SMCHD1: variants seen among roughly 807,000 people sequenced by gnomAD.
SMCHD1 encodes structural maintenance of chromosomes flexible hinge domain containing 1.
In SMCHD1, 78 loss-of-function variants were observed where a neutral mutation model predicts 254.7. The observed-to-expected ratio is 0.31, with a 90% CI of 0.26 to 0.37. SMCHD1 has a LOEUF of 0.37. Ranked by LOEUF, SMCHD1 falls within the 10% of genes least tolerant of loss-of-function variation. The pLI, the probability that SMCHD1 is intolerant of heterozygous loss-of-function variation, is 1.00. For synonymous variants in SMCHD1, 766 were observed against 794.9 expected, an observed-to-expected ratio of 0.96 and a Z score of 0.61; for missense variants, 1,840 against 2,408.1, an observed-to-expected ratio of 0.76 and a Z score of 4.94.
At chr18:2,779,622 C>T (rs1426984761) in intron 44 of SMCHD1, among the ~76,000 whole-genome samples, 2 of 151,968 alleles carry the variant, frequency 1.3e-5, no homozygotes, top group East Asian at 1.9e-4. Flanking sequence ...TGATCTAGGA[C>T]GAGTGAGAAT....
Position 2,722,656 on chromosome 18 carries a change from G to A in SMCHD1, c.2596G>A (p.Glu866Lys), listed in dbSNP as rs2074950247. The change falls in exon 20 of 48, where the codon GAA becomes AAA. Residue 866 changes from glutamate (E) to lysine (K), a missense_variant. By Grantham distance (56) the Glu-to-Lys change is moderately conservative. Transcript: ENST00000320876. ...QLVTDIQPVL[E>K]ASGLSLHYEE... Reference sequence around the variant, plus strand: ...AGTAACTGATATTCAGCCAGTTCTTGAAGCAAGGTAATTTGAAGGATCAAT... The same window carrying A: ...AGTAACTGATATTCAGCCAGTTCTTAAAGCAAGGTAATTTGAAGGATCAAT... 6.2e-7 allele frequency: 1 copy of A among 1,608,410 alleles called. No homozygotes were observed. The highest frequency in any genetic ancestry group is 8.5e-7 in the Non-Finnish European group (1 of 1,178,128).
Position 2,784,605 on chromosome 18 carries a change from C to A in SMCHD1, c.5703C>A (p.Ile1901=). 1 of 1,589,228 alleles carries A rather than the reference C, an allele frequency of 6.3e-7. No homozygotes were observed. Residue 1901 remains isoleucine (I), a synonymous_variant, in exon 45 of 48, where the codon ATC becomes ATA. Transcript: ENST00000320876. ...CTCCAGTTCCAAAACAGTGTCTGAT[C>A]TTAGGGGAACAAATAGGTAAGTTGA... is the stretch of plus-strand genomic sequence containing the variant. ...FGAPVPKQCL[I]LGEQIDLLQQ...
At position 2,771,594 on chromosome 18, in the gene SMCHD1, T is replaced by G; in HGVS notation, c.5028T>G (p.Asn1676Lys). ...TGCGAAATGAACTAAAAATACATAA[T>G]ATTGACATTCCTACAACACAACAGG... ...AQLRNELKIH[N>K]IDIPTTQQVP... Residue 1676 changes from asparagine (N) to lysine (K), a missense_variant, in exon 40 of 48, where the codon AAT becomes AAG. Transcript: ENST00000320876. 1 of 1,568,886 alleles carries G rather than the reference T, an allele frequency of 6.4e-7. No individual in the cohort carries two copies. Among genetic ancestry groups the G allele is most frequent in the Non-Finnish European group, 8.6e-7 (1 of 1,167,898 alleles).
chr18:2,736,159 A>G (rs117209719), intron 25 of SMCHD1, among the ~76,000 whole-genome samples: 3,034 of 152,342 alleles, frequency 0.02, 44 homozygotes, highest in Non-Finnish European at 0.03. Flanking sequence ...GCAATGGGAA[A>G]GGACTCCCTA....
chr18:2,713,275 G>T (rs2074721113), intron 17 of SMCHD1, among the ~76,000 whole-genome samples: 1 of 152,098 alleles, frequency 6.6e-6, no homozygotes, highest in African/African-American at 2.4e-5. Flanking sequence ...AATATTTGTT[G>T]AATAAATACA....
chr18:2,702,283 T>G (rs1415843772), intron 12 of SMCHD1: 1 of 43,308 alleles, frequency 2.3e-5, no homozygotes, highest in East Asian at 8.7e-4. Context: ...GTGAGACACC[T>G]TCTGTATTTA....
Position 2,728,539 on chromosome 18 carries a change from A to G in SMCHD1, c.2856A>G (p.Glu952=). The G allele has an allele frequency of 2.5e-6, 4 of 1,613,332 alleles. No homozygotes were observed. Among genetic ancestry groups the G allele is most frequent in the Non-Finnish European group, 3.4e-6 (4 of 1,179,542 alleles). Residue 952 remains glutamate (E), a synonymous_variant, in exon 23 of 48, where the codon GAA becomes GAG. Transcript: ENST00000320876. ...ENGTAFPFQV[E]VLDESDNITA... ...GAACAGCTTTCCCATTTCAGGTGGAAGTTTTAGATGAATCAGACAACATAA... is the reference window on the plus strand; with the variant it reads ...GAACAGCTTTCCCATTTCAGGTGGAGGTTTTAGATGAATCAGACAACATAA...
chr18:2,732,223 G>A (rs760349744), intron 24 of SMCHD1, 42 bp from the exon 25 acceptor site: 128 of 1,490,856 alleles, frequency 8.6e-5, no homozygotes, highest in Non-Finnish European at 1.1e-4. Flanking sequence ...TAAAATTTCA[G>A]TACAGATATC....
chr18:2,713,819 A>G (rs1269951344), intron 17 of SMCHD1, among the ~76,000 whole-genome samples: 1 of 152,230 alleles, frequency 6.6e-6, no homozygotes, highest in Admixed American at 6.5e-5. Flanking sequence ...GTTTTATTCC[A>G]CTATGGTCCA....
At chr18:2,798,277 T>TATC (rs2076297051) in intron 47 of SMCHD1, among the ~76,000 whole-genome samples, 1 of 152,218 alleles carries the variant, frequency 6.6e-6, no homozygotes, top group Admixed American at 6.5e-5. Context: ...ATCTCTTGAG[T>TATC]ATCACACATG....
intron 28 of SMCHD1, among the ~76,000 whole-genome samples, chr18:2,742,102 C>T (rs1481843102): frequency 6.6e-6 from 1 of 152,106 alleles, no homozygotes; most frequent in Non-Finnish European, 1.5e-5. Context: ...CTCATGCTAC[C>T]CATTAGACCT....
In SMCHD1 at chr18:2,804,535, A is replaced by G. The variant is rs146216154; in HGVS notation, c.*1983A>G. On this transcript the variant is annotated 3_prime_UTR_variant, in exon 48 of 48. Transcript: ENST00000320876. The stretch of plus-strand genomic sequence containing the variant: ...ATAATACCAGAAAGAATGTTCTATC[A>G]GTAAAAGAAGGTTTTTAAGTATGAA... The G allele has an allele frequency of 1.2e-3, 12 of 9,712 alleles. No homozygotes were observed. The East Asian group carries it at 0.059, about 48-fold the overall frequency. The allele number at this position is 9,712 out of a possible 1,614,324, so 0.6% of individuals were successfully genotyped here.
At chr18:2,731,370 A>G (rs1471596245) in intron 24 of SMCHD1, among the ~76,000 whole-genome samples, 2 of 152,256 alleles carry the variant, frequency 1.3e-5, no homozygotes, top group African/African-American at 4.8e-5. Context: ...AAATCAATTT[A>G]TATAGCATAA....
chr18:2,697,163 A>C (rs1029984374), intron 9 of SMCHD1, 41 bp downstream of exon 9: 1 of 1,034,562 alleles, frequency 9.7e-7, no homozygotes, highest in Non-Finnish European at 1.4e-6. Context: ...AAATTATGAG[A>C]TATTTGTTCC....
rs555585227 is a variant in SMCHD1, at chr18:2,739,158, C to T, written c.3426-274C>T. Among the ~76,000 whole-genome samples the T allele has an allele frequency of 3.3e-5, 5 of 152,272 alleles. No homozygotes were observed. The East Asian group carries it at 9.7e-4, about 29-fold the overall frequency. ...AATGAGTTGTTAACTCATCTGTTTT[C>T]TTGTCATAATTTCCTTTTAATCCAG... On this transcript the variant is annotated intron_variant, in intron 26 of 47. Transcript: ENST00000320876.
intron 17 of SMCHD1, among the ~76,000 whole-genome samples, chr18:2,710,105 C>A (rs768538282): frequency 3.9e-5 from 6 of 152,174 alleles, no homozygotes; most frequent in South Asian, 2.1e-4. Flanking sequence ...TGGAAAACTT[C>A]TTTTGCCTGT....
chr18:2,687,076 C>A (rs375966215), intron 5 of SMCHD1, among the ~76,000 whole-genome samples: 9 of 152,184 alleles, frequency 5.9e-5, no homozygotes, highest in African/African-American at 2.2e-4. Context: ...TATTTTCCTT[C>A]CCCCAACTTA....
At position 2,705,702 on chromosome 18, in the gene SMCHD1, A is replaced by G. The variant is rs635132; in HGVS notation, c.1851A>G (p.Thr617=). The G allele has an allele frequency of 0.7, 1,088,834 of 1,550,818 alleles. 389,900 individuals are homozygous for G. Among genetic ancestry groups the G allele is most frequent in the Admixed American group, 0.75 (44,112 of 58,436 alleles). Reference sequence around the variant, plus strand: ...TAAAAACTAAATATTAGGTCAAGACAATCAAGACACTTCCCCTCTTTTATG... The same window carrying G: ...TAAAAACTAAATATTAGGTCAAGACGATCAAGACACTTCCCCTCTTTTATG... The part of the protein sequence containing the change: ...KIYKAGQLVK[T]IKTLPLFYGS... Residue 617 remains threonine (T), a synonymous_variant, in exon 14 of 48, where the codon ACA becomes ACG. Coordinates refer to ENST00000320876, the MANE Select transcript of SMCHD1 (RefSeq NM_015295.3).
intron 3 of SMCHD1, among the ~76,000 whole-genome samples, chr18:2,672,404 T>A (rs2073633017): frequency 6.6e-6 from 1 of 152,138 alleles, no homozygotes; most frequent in African/African-American, 2.4e-5. Context: ...TTTTTTGTAT[T>A]TTTAATAGAG....
Sources: gnomAD v4.1 joint callset for allele counts (sites outside exome capture counted in the v4.1 genomes callset) on GRCh38, gnomAD v4.1.1 for gene constraint, MANE v1.5 for transcripts, NCBI Gene and HGNC (gene_info 2026-07-23, HGNC 2026-07-21) for gene names.